Variants in POLN observed in about 807,000 individuals in gnomAD.
POLN encodes the protein DNA polymerase nu, also known as DNA polymerase N.
A neutral mutation model predicts 113.5 loss-of-function variants in POLN; 108 were observed. The ratio of observed to expected loss-of-function variants is 0.95; its 90% CI spans 0.81 to 1.12. POLN has a LOEUF of 1.12. Ranked by LOEUF, POLN falls within the 50% of genes most tolerant of loss-of-function variation. The pLI is 0.00. For synonymous variants in POLN, 386 were observed against 391.5 expected, an observed-to-expected ratio of 0.99 and a Z score of 0.17; for missense variants, 1,097 against 1,077.1, an observed-to-expected ratio of 1.02 and a Z score of -0.26.
chr4:2,094,109 G>A (rs1409599948), intron 20 of POLN, among the ~76,000 whole-genome samples: 3 of 152,080 alleles, frequency 2.0e-5, no homozygotes, highest in Non-Finnish European at 2.9e-5. Context: ...CACTTTGGGA[G>A]GCCAAGATGG....
At chr4:2,082,502 G>A (rs1386506507) in intron 21 of POLN, among the ~76,000 whole-genome samples, 2 of 152,198 alleles carry the variant, frequency 1.3e-5, no homozygotes, top group Non-Finnish European at 2.9e-5. Context: ...CAATTTGGGG[G>A]CTCTTTTAAA....
intron 21 of POLN, 37 bp downstream of exon 21, chr4:2,085,576 G>A (rs1447396474): frequency 1.2e-6 from 2 of 1,610,910 alleles, no homozygotes; most frequent in Admixed American, 3.3e-5. Context: ...ACAGAGGGTT[G>A]GCAGGGAGCA....
intron 2 of POLN, among the ~76,000 whole-genome samples, chr4:2,237,142 T>A (rs1444167088): frequency 1.3e-5 from 2 of 152,186 alleles, no homozygotes; most frequent in Non-Finnish European, 2.9e-5. Flanking sequence ...TCTCATAGAA[T>A]ATAACTATGA....
At chr4:2,179,729 C>A (rs974218434) in intron 7 of POLN, among the ~76,000 whole-genome samples, 2 of 152,310 alleles carry the variant, frequency 1.3e-5, no homozygotes, top group Admixed American at 1.3e-4. Flanking sequence ...AAAGGAGGGA[C>A]TCCAAGCTCA....
chr4:2,203,571 CTCTG>C (rs1187958010), intron 5 of POLN, among the ~76,000 whole-genome samples: 7 of 146,332 alleles, frequency 4.8e-5, no homozygotes, highest in African/African-American at 1.8e-4. Flanking sequence ...CACAGCAAGA[CTCTG>C]TCTAAAAAAA....
chr4:2,241,665 G>A lies in POLN; in HGVS notation c.-158C>T, dbSNP rs1485645582. 1.0e-6 allele frequency: 1 copy of A among 985,356 alleles called. No homozygotes were observed. The highest frequency in any genetic ancestry group is 1.2e-6 in the Non-Finnish European group (1 of 829,932). 61.0% of individuals were successfully genotyped at this position (985,356 alleles called of 1,614,324 possible). ...AGCGCTGAGGCAGCCCCGACGCCAG[G>A]GCCGCGCGAACCCCAGAGGCAGCGG... On this transcript the variant is annotated 5_prime_UTR_variant, in exon 2 of 26. Coordinates refer to ENST00000511885, the MANE Select transcript of POLN (RefSeq NM_181808.4).
intron 13 of POLN, among the ~76,000 whole-genome samples, chr4:2,161,509 T>A (rs1210694837): frequency 6.6e-6 from 1 of 152,198 alleles, no homozygotes; most frequent in Non-Finnish European, 1.5e-5. Flanking sequence ...TCCATCAGGG[T>A]AGGGCTCGGG....
At chr4:2,236,990 T>C (rs1734789640) in intron 2 of POLN, among the ~76,000 whole-genome samples, 1 of 151,788 alleles carries the variant, frequency 6.6e-6, no homozygotes, top group African/African-American at 2.4e-5. Context: ...ATATTCTAAC[T>C]ACTACATTAG....
Position 2,073,086 on chromosome 4 carries a change from G to A in POLN, c.2456-57C>T, listed in dbSNP as rs1019532948. 4 of 1,568,230 alleles carry A rather than the reference G, an allele frequency of 2.6e-6. No individual in the cohort carries two copies. The African/African-American group carries it at 5.4e-5, about 21-fold the overall frequency. On this transcript the variant is annotated intron_variant, in intron 24 of 25. Transcript: ENST00000511885. Reference sequence around the variant, plus strand: ...GGTCTCTTGGCCTTGGGGCCTGGGAGCCGAAGATAAGAGAACTTTCAGGCC... The same window carrying A: ...GGTCTCTTGGCCTTGGGGCCTGGGAACCGAAGATAAGAGAACTTTCAGGCC...
intron 21 of POLN, 72 bp downstream of exon 21, chr4:2,085,541 C>G: frequency 6.3e-7 from 1 of 1,588,922 alleles, no homozygotes; most frequent in Non-Finnish European, 8.6e-7. Flanking sequence ...GCACACCAAC[C>G]ACGCAGCTGT....
chr4:2,142,563 T>C (rs1361216582), intron 16 of POLN, among the ~76,000 whole-genome samples: 1 of 152,228 alleles, frequency 6.6e-6, no homozygotes, highest in Non-Finnish European at 1.5e-5. Flanking sequence ...CTAGGGACCG[T>C]GGGACCCAAA....
rs1577763519 is a variant in POLN at position 2,198,254 on chromosome 4, G to A, written c.908+270C>T. ...GGGATTTTCAGGGTCTGGGGGTGAT[G>A]CTTTTCTCCCTAGCTTCTCACTGTG... On this transcript the variant is annotated intron_variant, in intron 6 of 25. Transcript: ENST00000511885. Among the ~76,000 whole-genome samples the A allele has an allele frequency of 2.6e-5, 4 of 152,302 alleles. No individual in the cohort carries two copies. The South Asian group carries it at 8.3e-4, about 32-fold the overall frequency.
At chr4:2,235,405 G>A (rs538559128) in intron 2 of POLN, among the ~76,000 whole-genome samples, 1 of 152,310 alleles carries the variant, frequency 6.6e-6, no homozygotes, top group East Asian at 1.9e-4. Flanking sequence ...TGGAGAAACT[G>A]GAATTGTGCA....
At chr4:2,163,524 A>G (rs1443901796) in intron 13 of POLN, among the ~76,000 whole-genome samples, 1 of 152,228 alleles carries the variant, frequency 6.6e-6, no homozygotes, top group Non-Finnish European at 1.5e-5. Context: ...CCGGCTGCAG[A>G]CACCACATTC....
At position 2,229,107 on chromosome 4, in the gene POLN, C is replaced by G. The variant is rs769865959; in HGVS notation, c.125G>C (p.Ser42Thr). 2 of 1,600,616 alleles carry G rather than the reference C, an allele frequency of 1.2e-6. No homozygotes were observed. The highest frequency in any genetic ancestry group is 4.5e-5 in the East Asian group (2 of 44,778). The change falls in exon 3 of 26, where the codon AGT becomes ACT. Residue 42 changes from serine (S) to threonine (T), a missense_variant. Ser to Thr is a moderately conservative substitution (Grantham distance 58). Coordinates refer to ENST00000511885, the MANE Select transcript of POLN (RefSeq NM_181808.4). ...DLVDSKTWGKSTETMEVINKS... is the reference protein window; with the variant it reads ...DLVDSKTWGKTTETMEVINKS... The stretch of plus-strand genomic sequence containing the variant: ...TCATAAAAATTACTTACTCTCTGTA[C>G]TCTTTCCCCAAGTCTTAGAATCCAC...
intron 3 of POLN, among the ~76,000 whole-genome samples, chr4:2,220,226 G>A (rs1382404864): frequency 6.6e-6 from 1 of 152,186 alleles, no homozygotes; most frequent in African/African-American, 2.4e-5. Context: ...CGCTGTCAGA[G>A]ATGAGGCCTC....
rs369924728 is a variant in POLN at position 2,208,491 on chromosome 4, C to G, written c.214-4G>C. ...GACTTCTTAAAGATTTAAGATCCTA[C>G]AGAAAAATGGAAAATATTTCATTAG... On this transcript the variant is annotated splice_polypyrimidine_tract_variant and splice_region_variant and intron_variant, in intron 4 of 25. Coordinates refer to ENST00000511885, the MANE Select transcript of POLN (RefSeq NM_181808.4). 1.3e-6 allele frequency: 2 copies of G among 1,510,420 alleles called. No homozygotes were observed. Among genetic ancestry groups the G allele is most frequent in the African/African-American group, 2.8e-5 (2 of 71,414 alleles). 93.6% of individuals were successfully genotyped at this position (1,510,420 alleles called of 1,614,324 possible). A position where few individuals can be genotyped will look rare whatever the true frequency, so the allele number is the denominator to read the frequency against.
At chr4:2,184,319 T>G (rs1221055837) in intron 7 of POLN, among the ~76,000 whole-genome samples, 1 of 150,860 alleles carries the variant, frequency 6.6e-6, no homozygotes, top group African/African-American at 2.4e-5. Context: ...AAGTCACTAA[T>G]TAGGGAAAGA....
chr4:2,094,038 G>A (rs1274455850), intron 20 of POLN, among the ~76,000 whole-genome samples: 1 of 152,102 alleles, frequency 6.6e-6, no homozygotes, highest in Non-Finnish European at 1.5e-5. Context: ...ACCACCTCCG[G>A]CTGACAGCCA....
Sources: allele counts gnomAD v4.1 joint callset (sites outside exome capture counted in the v4.1 genomes callset), GRCh38; gene constraint gnomAD v4.1.1; transcripts MANE v1.5; gene names NCBI Gene and HGNC (gene_info 2026-07-23, HGNC 2026-07-21).